The following SVOP variants were observed in gnomAD, a reference collection of about 807,000 sequenced individuals.
SVOP encodes synaptic vesicle 2-related protein.
In SVOP, 17 loss-of-function variants were observed where a neutral mutation model predicts 69.1. That is an observed-to-expected ratio of 0.25 (90% CI 0.17 to 0.37). The LOEUF (loss-of-function observed/expected upper bound fraction) is 0.37. SVOP is among the 10% of genes least tolerant of loss of function. The probability of loss-of-function intolerance (pLI) is 1.00; values close to 1 mark genes in which losing one functional copy is unlikely to be tolerated. For synonymous variants in SVOP, 238 were observed against 238.6 expected (o/e 1.00, Z 0.02); for missense variants, 435 against 597.5 (o/e 0.73, Z 2.84).
chr12:108,981,196 C>T (rs1165173826), intron 2 of SVOP, among the ~76,000 whole-genome samples: 1 of 152,218 alleles, frequency 6.6e-6, no homozygotes. Context: ...GGCACTGTGC[C>T]GAAAGCTAGA....
At chr12:108,935,776 G>A (rs2039852750) in intron 10 of SVOP, among the ~76,000 whole-genome samples, 1 of 152,120 alleles carries the variant, frequency 6.6e-6, no homozygotes, top group South Asian at 2.1e-4. Flanking sequence ...AAAGATGACT[G>A]CAGCTCCAAT....
chr12:108,988,479 T>C (rs1326377743), intron 1 of SVOP, among the ~76,000 whole-genome samples: 6 of 152,196 alleles, frequency 3.9e-5, no homozygotes, highest in African/African-American at 4.8e-5. Flanking sequence ...GTTTAAAGAC[T>C]GTCCTTTCCC....
chr12:108,934,350 C>A, intron 10 of SVOP, 79 bp from the exon 11 acceptor site: 3 of 1,198,982 alleles, frequency 2.5e-6, no homozygotes, highest in Non-Finnish European at 3.6e-6. Context: ...TGGGAAGGGC[C>A]AATGTCTACA....
chr12:108,972,731 C>T (rs1475097148), intron 4 of SVOP, among the ~76,000 whole-genome samples: 2 of 152,204 alleles, frequency 1.3e-5, no homozygotes, highest in African/African-American at 4.8e-5. Flanking sequence ...GCAGGACCAG[C>T]GTCACAGAGG....
At chr12:108,919,223 G>A (rs1169393869) in intron 13 of SVOP, among the ~76,000 whole-genome samples, 2 of 147,406 alleles carry the variant, frequency 1.4e-5, no homozygotes, top group African/African-American at 5.1e-5. Flanking sequence ...CCACACCTGA[G>A]CCTCACCCAC....
chr12:108,990,054 G>A (rs918374138), intron 1 of SVOP, among the ~76,000 whole-genome samples: 18 of 152,310 alleles, frequency 1.2e-4, no homozygotes, highest in Admixed American at 7.2e-4. Flanking sequence ...TGAAGGAGCC[G>A]AGGCTTCAGT....
intron 1 of SVOP, among the ~76,000 whole-genome samples, chr12:109,019,836 A>G (rs1342619161): frequency 6.6e-6 from 1 of 152,226 alleles, no homozygotes; most frequent in African/African-American, 2.4e-5. Context: ...TATCAGTCAC[A>G]CTAAAAGTCA....
At chr12:108,941,047 C>T in intron 7 of SVOP, 138 bp from the exon 8 acceptor site, 1 of 1,270,590 alleles carries the variant, frequency 7.9e-7, no homozygotes, top group Non-Finnish European at 1.1e-6. Context: ...CCACACTTTC[C>T]CTGTGGTCTA....
At chr12:108,931,727 G>C (rs575867481) in intron 11 of SVOP, among the ~76,000 whole-genome samples, 46 of 152,100 alleles carry the variant, frequency 3.0e-4, no homozygotes, top group Admixed American at 1.2e-3. Context: ...CCAGCTACTC[G>C]GGAGGCTGAG....
intron 1 of SVOP, among the ~76,000 whole-genome samples, chr12:108,986,031 G>A (rs1016957836): frequency 1.3e-5 from 2 of 152,186 alleles, no homozygotes; most frequent in Admixed American, 6.5e-5. Flanking sequence ...TGTCAGGCTC[G>A]TCTTGGCAGG....
chr12:108,982,217 C>A (rs1293870663), intron 2 of SVOP, among the ~76,000 whole-genome samples: 1 of 151,128 alleles, frequency 6.6e-6, no homozygotes, highest in Non-Finnish European at 1.5e-5. Flanking sequence ...CCATCATCAT[C>A]TTCATCACCA....
intron 1 of SVOP, among the ~76,000 whole-genome samples, chr12:109,018,731 G>T (rs1304383941): frequency 1.3e-5 from 2 of 152,076 alleles, no homozygotes; most frequent in African/African-American, 4.8e-5. Context: ...GTCATTTGGG[G>T]TTTGCAGATT....
At chr12:108,932,416 GGTAACAGA>G (rs546472203) in intron 11 of SVOP, among the ~76,000 whole-genome samples, 95 of 152,040 alleles carry the variant, frequency 6.2e-4, no homozygotes, top group African/African-American at 2.1e-3. Context: ...CTCCAGCCTG[GGTAACAGA>G]GCAAGACCCT....
At chr12:108,914,568 T>C (rs550824993) in intron 15 of SVOP, among the ~76,000 whole-genome samples, 114 of 152,242 alleles carry the variant, frequency 7.5e-4, no homozygotes, top group African/African-American at 2.7e-3. Flanking sequence ...CTTGTTTTCT[T>C]TCCTTTTTTT....
chr12:109,011,662 T>C (rs974623039), intron 1 of SVOP, among the ~76,000 whole-genome samples: 26 of 152,182 alleles, frequency 1.7e-4, no homozygotes, highest in African/African-American at 6.0e-4. Context: ...CATATAATCA[T>C]TGTAGCATTA....
intron 6 of SVOP, among the ~76,000 whole-genome samples, chr12:108,951,317 G>A (rs1185061559): frequency 6.6e-6 from 1 of 152,144 alleles, no homozygotes; most frequent in East Asian, 1.9e-4. Flanking sequence ...GCGGTGCATG[G>A]CGCCCTCTAC....
At chr12:108,954,688 A>T (rs1259307490) in intron 6 of SVOP, among the ~76,000 whole-genome samples, 2 of 152,034 alleles carry the variant, frequency 1.3e-5, no homozygotes, top group Non-Finnish European at 2.9e-5. Flanking sequence ...CAAAATTCTG[A>T]TCCACTGATG....
intron 5 of SVOP, among the ~76,000 whole-genome samples, chr12:108,964,454 G>A (rs1381524577): frequency 5.3e-5 from 8 of 151,632 alleles, no homozygotes; most frequent in Admixed American, 2.0e-4. Flanking sequence ...TGGCATCAGC[G>A]GGAGAAAAGA....
chr12:108,925,310 T>C (rs1294051010), intron 11 of SVOP, among the ~76,000 whole-genome samples: 1 of 151,298 alleles, frequency 6.6e-6, no homozygotes, highest in Admixed American at 6.6e-5. Flanking sequence ...TGTAGATGTT[T>C]GGCTTTACCG....
Sources: gnomAD v4.1 joint callset for allele counts (sites outside exome capture counted in the v4.1 genomes callset) on GRCh38, gnomAD v4.1.1 for gene constraint, MANE v1.5 for transcripts, NCBI Gene and HGNC (gene_info 2026-07-23, HGNC 2026-07-21) for gene names.